Variants in EYA1 observed in about 807,000 individuals in gnomAD.
EYA1 encodes the protein EYA transcriptional coactivator and phosphatase 1.
In EYA1, 16 loss-of-function variants were observed where a neutral mutation model predicts 82.0. The observed-to-expected ratio is 0.20, with a 90% CI of 0.13 to 0.30. The LOEUF is 0.30. EYA1 is among the 10% of genes least tolerant of loss of function. EYA1 has a pLI of 1.00. For missense variants in EYA1, 633 were observed against 730.7 expected (o/e 0.87, Z 1.54); for synonymous variants, 261 against 264.4 (o/e 0.99, Z 0.12).
intron 2 of EYA1, among the ~76,000 whole-genome samples, chr8:71,379,373 C>A (rs1444731553): frequency 6.6e-6 from 1 of 151,920 alleles, no homozygotes; most frequent in East Asian, 1.9e-4. Context: ...CACTCATGAG[C>A]CCCTGGGGAC....
chr8:71,376,758 C>CT (rs1374743842), intron 2 of EYA1, among the ~76,000 whole-genome samples: 1 of 152,140 alleles, frequency 6.6e-6, no homozygotes, highest in Non-Finnish European at 1.5e-5. Context: ...CTTCTTTCTG[C>CT]TTTCTTGCTC....
At chr8:71,474,069 G>A (rs913781118) in intron 2 of EYA1, among the ~76,000 whole-genome samples, 4 of 151,974 alleles carry the variant, frequency 2.6e-5, no homozygotes, top group Admixed American at 6.6e-5. Context: ...CATAGAAGAG[G>A]AATAGCATTA....
At chr8:71,414,613 T>C (rs571819661) in intron 2 of EYA1, among the ~76,000 whole-genome samples, 1 of 152,298 alleles carries the variant, frequency 6.6e-6, no homozygotes, top group East Asian at 1.9e-4. Flanking sequence ...GCCAAAACAG[T>C]TTTCTTAGCC....
At chr8:71,242,773 CTTT>C (rs35413533) in intron 12 of EYA1, among the ~76,000 whole-genome samples, 5 of 117,644 alleles carry the variant, frequency 4.3e-5, no homozygotes, top group African/African-American at 9.9e-5. Flanking sequence ...AGTTTTGGCA[CTTT>C]TTTTTTTTTT....
intron 2 of EYA1, among the ~76,000 whole-genome samples, chr8:71,412,417 AAAATAAAAT>A (rs1480122241): frequency 1.6e-5 from 2 of 126,072 alleles, no homozygotes; most frequent in Non-Finnish European, 3.6e-5. Context: ...AAAATAAAAT[AAAATAAAAT>A]AAAAAAAAGA....
At chr8:71,281,593 T>C (rs1286552538) in intron 9 of EYA1, among the ~76,000 whole-genome samples, 1 of 152,222 alleles carries the variant, frequency 6.6e-6, no homozygotes, top group Non-Finnish European at 1.5e-5. Flanking sequence ...CTCTGGCCAC[T>C]GCCACGGGTC....
At chr8:71,400,761 T>A (rs1253128749) in intron 2 of EYA1, among the ~76,000 whole-genome samples, 1 of 152,182 alleles carries the variant, frequency 6.6e-6, no homozygotes, top group Non-Finnish European at 1.5e-5. Flanking sequence ...AGAAATACCA[T>A]TTGACCTATC....
chr8:71,286,989 A>G (rs369245692), intron 9 of EYA1, among the ~76,000 whole-genome samples: 1 of 151,884 alleles, frequency 6.6e-6, no homozygotes, highest in African/African-American at 2.4e-5. Flanking sequence ...TTTAGTAGAG[A>G]CAGGGTTTCA....
At chr8:71,283,323 T>A (rs1410810216) in intron 9 of EYA1, among the ~76,000 whole-genome samples, 5 of 152,154 alleles carry the variant, frequency 3.3e-5, no homozygotes, top group Non-Finnish European at 7.4e-5. Flanking sequence ...GGACAACTCT[T>A]CCGAAACAGT....
intron 2 of EYA1, among the ~76,000 whole-genome samples, chr8:71,416,620 C>T (rs912013896): frequency 3.9e-5 from 6 of 152,126 alleles, no homozygotes; most frequent in African/African-American, 1.4e-4. Context: ...CTAGGTGATC[C>T]TCATCCATTC....
intron 2 of EYA1, among the ~76,000 whole-genome samples, chr8:71,413,417 T>A (rs976600734): frequency 6.6e-6 from 1 of 152,340 alleles, no homozygotes; most frequent in African/African-American, 2.4e-5. Flanking sequence ...TTTATACCAA[T>A]TGTTTTTAGC....
chr8:71,257,219 A>G (rs528230613), intron 11 of EYA1, among the ~76,000 whole-genome samples: 2 of 152,280 alleles, frequency 1.3e-5, no homozygotes, highest in East Asian at 3.9e-4. Flanking sequence ...ATCCTTGGAC[A>G]GGACCAGGAA....
intron 9 of EYA1, among the ~76,000 whole-genome samples, chr8:71,275,217 G>A (rs1202723596): frequency 3.3e-5 from 5 of 152,318 alleles, no homozygotes; most frequent in South Asian, 4.1e-4. Flanking sequence ...GATCTGAAGT[G>A]TCATTAGGAG....
At chr8:71,284,327 A>T (rs897900012) in intron 9 of EYA1, among the ~76,000 whole-genome samples, 2 of 152,224 alleles carry the variant, frequency 1.3e-5, no homozygotes, top group Admixed American at 1.3e-4. Flanking sequence ...AATCTTGCAC[A>T]TTCTGGTACA....
At chr8:71,508,179 C>A (rs528747554) in intron 2 of EYA1, among the ~76,000 whole-genome samples, 1 of 152,290 alleles carries the variant, frequency 6.6e-6, no homozygotes, top group African/African-American at 2.4e-5. Flanking sequence ...CCGCATTATT[C>A]AGAAAAATTT....
intron 2 of EYA1, among the ~76,000 whole-genome samples, chr8:71,520,548 G>A (rs1037519979): frequency 7.9e-5 from 12 of 152,154 alleles, no homozygotes; most frequent in African/African-American, 2.9e-4. Context: ...TAGTGCAAAT[G>A]TATCATCTTG....
chr8:71,334,778 C>A (rs1824296049), intron 3 of EYA1, among the ~76,000 whole-genome samples: 1 of 152,200 alleles, frequency 6.6e-6, no homozygotes, highest in Non-Finnish European at 1.5e-5. Context: ...AAAAACATAA[C>A]TGAATGTAAA....
At chr8:71,425,013 C>T (rs1186565478) in intron 2 of EYA1, among the ~76,000 whole-genome samples, 2 of 149,212 alleles carry the variant, frequency 1.3e-5, no homozygotes, top group African/African-American at 5.0e-5. Context: ...GTAATCCCAG[C>T]ACTTTGGGAG....
chr8:71,208,696 T>C (rs1489718916), intron 17 of EYA1, among the ~76,000 whole-genome samples: 1 of 151,426 alleles, frequency 6.6e-6, no homozygotes, highest in Non-Finnish European at 1.5e-5. Flanking sequence ...ACCTGCACAT[T>C]GTGCACATGT....
Sources: gnomAD v4.1 joint callset for allele counts (sites outside exome capture counted in the v4.1 genomes callset) on GRCh38, gnomAD v4.1.1 for gene constraint, MANE v1.5 for transcripts, NCBI Gene and HGNC (gene_info 2026-07-23, HGNC 2026-07-21) for gene names.